PTBP1: variants seen among roughly 807,000 people sequenced by gnomAD.
PTBP1 encodes the protein polypyrimidine tract-binding protein 1.
A neutral mutation model predicts 59.8 loss-of-function variants in PTBP1; 8 were observed. The observed-to-expected ratio is 0.13, with a 90% CI of 0.08 to 0.24. PTBP1 has a LOEUF of 0.24. Among genes scored for constraint, PTBP1 ranks in the 10% least tolerant of loss-of-function variants. PTBP1 has a pLI of 1.00. For missense variants in PTBP1, 686 were observed against 767.0 expected, an observed-to-expected ratio of 0.89 and a Z score of 1.25; for synonymous variants, 490 against 320.7, an observed-to-expected ratio of 1.53 and a Z score of -5.64.
chr19:809,863 C>T (rs2034772939), intron 13 of PTBP1, among the ~76,000 whole-genome samples: 1 of 152,146 alleles, frequency 6.6e-6, no homozygotes, highest in African/African-American at 2.4e-5. Context: ...ATTGCACTGC[C>T]AGACTCCAGG....
intron 9 of PTBP1, chr19:805,834 C>T (rs1048751253): frequency 9.4e-5 from 47 of 499,884 alleles, no homozygotes; most frequent in South Asian, 9.0e-4. Flanking sequence ...CCTTCAAGCA[C>T]CTCCGGGCGA....
chr19:806,746 C>T (rs1031198463), intron 10 of PTBP1, 190 bp downstream of exon 10: 1 of 517,708 alleles, frequency 1.9e-6, no homozygotes, highest in Non-Finnish European at 3.3e-6. Context: ...TTCCTGAATT[C>T]ACATCTTGGT....
At chr19:799,895 G>A (rs953627405) in intron 2 of PTBP1, among the ~76,000 whole-genome samples, 5 of 152,092 alleles carry the variant, frequency 3.3e-5, no homozygotes, top group Non-Finnish European at 7.4e-5. Context: ...GGCATTTACT[G>A]GTTGATTTTG....
chr19:797,928 G>GC (rs2034148023), intron 1 of PTBP1, among the ~76,000 whole-genome samples: 2 of 148,668 alleles, frequency 1.3e-5, no homozygotes, highest in Non-Finnish European at 3.0e-5. Context: ...GTCCCCGTTG[G>GC]CCCCAGCGCG....
intron 1 of PTBP1, chr19:798,343 G>C (rs1001459078): frequency 3.9e-5 from 6 of 152,214 alleles, no homozygotes; most frequent in African/African-American, 1.4e-4. Flanking sequence ...GTGTCCCGCC[G>C]AGCGCTTCCT....
chr19:805,327 C>T (rs2034514114), intron 8 of PTBP1, 140 bp downstream of exon 8: 3 of 1,213,628 alleles, frequency 2.5e-6, no homozygotes, highest in African/African-American at 3.0e-5. Context: ...CAGCACGGTC[C>T]AGTGTCCCCC....
At chr19:806,127 TGGCGGAGC>T (rs2034558637) in intron 9 of PTBP1, 1 of 368,950 alleles carries the variant, frequency 2.7e-6, no homozygotes, top group Admixed American at 4.8e-5. Flanking sequence ...GTGTCTGTGC[TGGCGGAGC>T]CGGAGCTTTT....
At position 805,204 on chromosome 19, in the gene PTBP1, C is replaced by T. The variant is rs930959425; in HGVS notation, c.892+17C>T. 3.5e-5 allele frequency: 56 copies of T among 1,611,796 alleles called. No individual in the cohort carries two copies. The Middle Eastern group carries it at 5.0e-4, about 14-fold the overall frequency. ...CGGCCTTCGGTAAGAGGCTGCCCGA[C>T]GCGGCGCCAGTGTGCAGAGTGGTCT... On this transcript the variant is annotated intron_variant, in intron 8 of 14. Coordinates refer to ENST00000356948, the MANE Select transcript of PTBP1 (RefSeq NM_002819.5).
At chr19:805,278 A>G in intron 8 of PTBP1, 91 bp downstream of exon 8, 1 of 1,462,060 alleles carries the variant, frequency 6.8e-7, no homozygotes, top group Non-Finnish European at 9.4e-7. Flanking sequence ...CCGGCCCTGC[A>G]CCAGGGTGAT....
At chr19:797,705 C>T (rs1000207392) in intron 1 of PTBP1, among the ~76,000 whole-genome samples, 200 bp downstream of exon 1, 1 of 149,004 alleles carries the variant, frequency 6.7e-6, no homozygotes, top group Non-Finnish European at 1.5e-5. Context: ...CGTCCCCATC[C>T]CCCGTCCGGC....
At chr19:801,848 A>C (rs908257630) in intron 2 of PTBP1, among the ~76,000 whole-genome samples, 1 of 152,124 alleles carries the variant, frequency 6.6e-6, no homozygotes, top group East Asian at 1.9e-4. Context: ...GGGCCTGCGC[A>C]GCCCCGCCTT....
intron 9 of PTBP1, 122 bp downstream of exon 9, chr19:805,691 C>T (rs1050984064): frequency 1.2e-6 from 1 of 854,138 alleles, no homozygotes; most frequent in Non-Finnish European, 2.0e-6. Context: ...GTCAGGGGCC[C>T]TTCCCGGGAG....
At position 805,394 on chromosome 19, in the gene PTBP1, G is replaced by C. The variant is rs530316710; in HGVS notation, c.893-98G>C. On this transcript the variant is annotated intron_variant, in intron 8 of 14. Transcript: ENST00000356948. ...GGATCTGCCCGCGAAGGCTCTGCCG[G>C]GGCCGCCCGCCGGCCGGGTTGGGGC... 1.6e-5 allele frequency: 21 copies of C among 1,322,346 alleles called. No homozygotes were observed. In the African/African-American group the frequency reaches 2.8e-4, roughly 17 times the overall value. The allele number at this position is 1,322,346 out of a possible 1,614,324, so 81.9% of individuals were successfully genotyped here.
chr19:807,568 A>C, intron 10 of PTBP1: 1 of 401,644 alleles, frequency 2.5e-6, no homozygotes, highest in Non-Finnish European at 4.4e-6. Flanking sequence ...CCCTTTCCCT[A>C]TTTTTTTTCT....
At chr19:797,594 C>G in intron 1 of PTBP1, 89 bp downstream of exon 1, 2 of 929,414 alleles carry the variant, frequency 2.2e-6, no homozygotes, top group African/African-American at 1.8e-5. Flanking sequence ...GGGCCGATCT[C>G]GCCCCCTCTC....
chr19:799,825 G>A (rs2034252264), intron 2 of PTBP1, among the ~76,000 whole-genome samples: 2 of 152,256 alleles, frequency 1.3e-5, no homozygotes, highest in African/African-American at 4.8e-5. Context: ...GATAGGAAAA[G>A]AGCCACCTGG....
intron 8 of PTBP1, 58 bp from the exon 9 acceptor site, chr19:805,434 A>G: frequency 6.6e-7 from 1 of 1,510,624 alleles, no homozygotes; most frequent in Non-Finnish European, 9.2e-7. Flanking sequence ...CCCGCAGCAC[A>G]GCGCCCGCTC....
intron 5 of PTBP1, 42 bp downstream of exon 5, chr19:804,480 G>GGGGGT (rs1568268215): frequency 6.3e-7 from 1 of 1,596,866 alleles, no homozygotes; most frequent in South Asian, 1.1e-5. Flanking sequence ...CGGGGACCTC[G>GGGGGT]GGGGTGGGCC....
rs765808573 is a variant in PTBP1, at chr19:804,720, C to A, written c.606+18C>A. 7.5e-6 allele frequency: 12 copies of A among 1,610,298 alleles called. No individual in the cohort carries two copies. The highest frequency in any genetic ancestry group is 1.0e-5 in the Non-Finnish European group (12 of 1,177,342). ...TGCACCAGGTGAGGTGGTCCCATCA[C>A]CGCCAGGGCAGGTCGGCTGCTATTG... On this transcript the variant is annotated intron_variant, in intron 6 of 14. Coordinates refer to ENST00000356948, the MANE Select transcript of PTBP1 (RefSeq NM_002819.5).
Sources: allele counts gnomAD v4.1 joint callset (sites outside exome capture counted in the v4.1 genomes callset), GRCh38; gene constraint gnomAD v4.1.1; transcripts MANE v1.5; gene names NCBI Gene and HGNC (gene_info 2026-07-23, HGNC 2026-07-21).